The following RASGEF1C variants were observed in gnomAD, a reference collection of about 807,000 sequenced individuals.
RASGEF1C encodes ras-GEF domain-containing family member 1C.
A neutral mutation model predicts 58.1 loss-of-function variants in RASGEF1C; 27 were observed. The ratio of observed to expected loss-of-function variants is 0.46; its 90% CI spans 0.34 to 0.64. RASGEF1C has a LOEUF of 0.64. Among genes scored for constraint, RASGEF1C ranks in the 30% least tolerant of loss-of-function variants. The pLI is 0.01. For synonymous variants in RASGEF1C, 243 were observed against 246.3 expected, an observed-to-expected ratio of 0.99 and a Z score of 0.13; for missense variants, 502 against 605.1, an observed-to-expected ratio of 0.83 and a Z score of 1.79.
chr5:180,189,029 T>A (rs552427809), intron 1 of RASGEF1C, among the ~76,000 whole-genome samples: 35 of 152,356 alleles, frequency 2.3e-4, no homozygotes, highest in African/African-American at 7.7e-4. Context: ...AATAATGTGA[T>A]CATCTATGTA....
intron 1 of RASGEF1C, among the ~76,000 whole-genome samples, chr5:180,195,486 C>T (rs1227406316): frequency 6.6e-6 from 1 of 152,222 alleles, no homozygotes; most frequent in African/African-American, 2.4e-5. Context: ...AAGGGCCGGG[C>T]ACGGTGGCTC....
At chr5:180,149,931 A>G (rs1032185979) in intron 1 of RASGEF1C, among the ~76,000 whole-genome samples, 2 of 152,098 alleles carry the variant, frequency 1.3e-5, no homozygotes, top group African/African-American at 4.8e-5. Context: ...CAAATTTGGG[A>G]AGTTTTCAGC....
At chr5:180,195,814 G>C (rs1269267528) in intron 1 of RASGEF1C, among the ~76,000 whole-genome samples, 1 of 151,894 alleles carries the variant, frequency 6.6e-6, no homozygotes, top group African/African-American at 2.4e-5. Context: ...GATACCTGCA[G>C]GCCCGCCGTC....
At chr5:180,101,875 CA>C (rs1297173642) in intron 13 of RASGEF1C, among the ~76,000 whole-genome samples, 195 bp downstream of exon 13, 1 of 152,226 alleles carries the variant, frequency 6.6e-6, no homozygotes, top group Non-Finnish European at 1.5e-5. Flanking sequence ...CTCCTCTCCT[CA>C]CCCCTATGAC....
chr5:180,147,340 T>A (rs963938611), intron 1 of RASGEF1C, among the ~76,000 whole-genome samples: 1 of 152,098 alleles, frequency 6.6e-6, no homozygotes, highest in African/African-American at 2.4e-5. Flanking sequence ...CTCCTTCTGC[T>A]AGCTTTGGGT....
chr5:180,188,144 G>A (rs1445357610), intron 1 of RASGEF1C, among the ~76,000 whole-genome samples: 1 of 152,154 alleles, frequency 6.6e-6, no homozygotes, highest in East Asian at 1.9e-4. Context: ...AATATATTCA[G>A]CCATAAAAAG....
chr5:180,138,273 A>G lies in RASGEF1C; in HGVS notation c.-6-215T>C, dbSNP rs935771488. On this transcript the variant is annotated intron_variant, in intron 1 of 13. Transcript: ENST00000361132. ...TTCTCCGTCTTCTCATGGCCTCTCA[A>G]CTCTCCTGCAGGACCCATCTCTTGT... 10 of 413,500 alleles carry G rather than the reference A, an allele frequency of 2.4e-5. No homozygotes were observed. The East Asian group carries it at 3.3e-4, about 14-fold the overall frequency. 25.6% of individuals were successfully genotyped at this position (413,500 alleles called of 1,614,324 possible).
At chr5:180,115,143 T>C (rs1192301424) in intron 10 of RASGEF1C, 4 of 299,522 alleles carry the variant, frequency 1.3e-5, no homozygotes, top group African/African-American at 8.8e-5. Context: ...GCCTCCCGAG[T>C]AGCTGGGATT....
chr5:180,101,439 A>C lies in RASGEF1C; in HGVS notation c.*62T>G. On this transcript the variant is annotated 3_prime_UTR_variant, in exon 14 of 14. Transcript: ENST00000361132. Reference sequence around the variant, plus strand: ...CTGGCCTCTGCCCACTGGGCCACTGAGGCAGGGCTGTGGACGGCTTCTGCG... The same window carrying C: ...CTGGCCTCTGCCCACTGGGCCACTGCGGCAGGGCTGTGGACGGCTTCTGCG... 3 of 1,595,310 alleles carry C rather than the reference A, an allele frequency of 1.9e-6. No homozygotes were observed. Among genetic ancestry groups the C allele is most frequent in the African/African-American group, 2.7e-5 (2 of 74,712 alleles).
intron 1 of RASGEF1C, among the ~76,000 whole-genome samples, chr5:180,193,298 G>T (rs13177691): frequency 6.7e-6 from 1 of 149,164 alleles, no homozygotes; most frequent in Non-Finnish European, 1.5e-5. Context: ...CTCGTGATCC[G>T]CCTGCCTCGG....
intron 12 of RASGEF1C, among the ~76,000 whole-genome samples, chr5:180,107,675 C>A (rs777530654): frequency 6.6e-6 from 1 of 152,216 alleles, no homozygotes; most frequent in Admixed American, 6.5e-5. Context: ...GTGGCACAAT[C>A]TTGGCTCACT....
At chr5:180,190,346 CG>C (rs1561756561) in intron 1 of RASGEF1C, among the ~76,000 whole-genome samples, 3 of 151,626 alleles carry the variant, frequency 2.0e-5, no homozygotes, top group African/African-American at 4.9e-5. Flanking sequence ...AAAAATTAGC[CG>C]GGCGTGGTGG....
intron 1 of RASGEF1C, among the ~76,000 whole-genome samples, chr5:180,193,717 A>G (rs1281662592): frequency 6.6e-6 from 1 of 152,230 alleles, no homozygotes; most frequent in Non-Finnish European, 1.5e-5. Context: ...ATTTGAACAA[A>G]CCAACTGTAA....
At chr5:180,116,625 G>T (rs2113249697) in intron 10 of RASGEF1C, among the ~76,000 whole-genome samples, 1 of 152,364 alleles carries the variant, frequency 6.6e-6, no homozygotes, top group East Asian at 1.9e-4. Flanking sequence ...AGCTGGAAGG[G>T]GCTCAGAACA....
At chr5:180,109,836 C>T (rs1765929806) in intron 12 of RASGEF1C, among the ~76,000 whole-genome samples, 1 of 152,216 alleles carries the variant, frequency 6.6e-6, no homozygotes, top group Admixed American at 6.5e-5. Context: ...AAGAAACCAG[C>T]CCTGCTGACA....
chr5:180,155,512 G>A lies in RASGEF1C; in HGVS notation c.-6-17454C>T, dbSNP rs1766834094. 2.0e-5 allele frequency among the ~76,000 whole-genome samples: 3 copies of A among 152,084 alleles called. No individual in the cohort carries two copies. The highest frequency in any genetic ancestry group is 7.2e-5 in the African/African-American group (3 of 41,420). ...CCTGAGTTATTTTTGGGCTCCATATGGCCTTCAACTCCTGCTGACAGATCC... is the reference window on the plus strand; with the variant it reads ...CCTGAGTTATTTTTGGGCTCCATATAGCCTTCAACTCCTGCTGACAGATCC... On this transcript the variant is annotated intron_variant, in intron 1 of 13. Transcript: ENST00000361132. This position sits in a 1 kb window ranked among gnomAD's most constrained non-coding sequence, Gnocchi z 5.2.
chr5:180,190,135 G>A (rs867315211), intron 1 of RASGEF1C, among the ~76,000 whole-genome samples: 29 of 152,046 alleles, frequency 1.9e-4, no homozygotes, highest in Middle Eastern at 3.4e-3. Context: ...TAGGAGGATC[G>A]TTTGAGGCCA....
rs1019437034 is a variant in RASGEF1C, at chr5:180,108,497, A to T, written c.1303+2960T>A. On this transcript the variant is annotated intron_variant, in intron 12 of 13. Coordinates refer to ENST00000361132, the MANE Select transcript of RASGEF1C (RefSeq NM_175062.4). Reference sequence around the variant, plus strand: ...ATTACAAGCACGAGCCACCGCGCCCAGCCGTTTCAGTCTATTTTCTCCCTG... The same window carrying T: ...ATTACAAGCACGAGCCACCGCGCCCTGCCGTTTCAGTCTATTTTCTCCCTG... Among the ~76,000 whole-genome samples, 2 of 151,998 alleles carry T rather than the reference A, an allele frequency of 1.3e-5. 1 individual carries two copies. The highest frequency in any genetic ancestry group is 1.3e-4 in the Admixed American group (2 of 15,248).
At chr5:180,176,900 G>T (rs373673361) in intron 1 of RASGEF1C, among the ~76,000 whole-genome samples, 8 of 152,308 alleles carry the variant, frequency 5.3e-5, no homozygotes, top group Non-Finnish European at 1.0e-4. Context: ...CACAGCAGAA[G>T]CTATGAAAGC....
Sources: allele counts gnomAD v4.1 joint callset (sites outside exome capture counted in the v4.1 genomes callset), GRCh38; gene constraint gnomAD v4.1.1; non-coding constraint Gnocchi (gnomAD v3.1); transcripts MANE v1.5; gene names NCBI Gene and HGNC (gene_info 2026-07-23, HGNC 2026-07-21).